The following CIROZ variants were observed in gnomAD, a reference collection of about 807,000 sequenced individuals.
CIROZ encodes the protein ciliated left-right organizer protein containing ZP-N domains.
chr1:10,965,662 C>T, the CIROZ span, among the ~76,000 whole-genome samples: 69 of 152,076 alleles, frequency 4.5e-4, no homozygotes, highest in African/African-American at 1.6e-3. Context: ...AAGCTCAAGA[C>T]CAGCCTGGCC....
At chr1:10,955,621 T>A in the CIROZ span, among the ~76,000 whole-genome samples, 1 of 152,016 alleles carries the variant, frequency 6.6e-6, no homozygotes, top group Non-Finnish European at 1.5e-5. Flanking sequence ...GGTGGGTGGA[T>A]TACCTCAGGT....
the CIROZ span, among the ~76,000 whole-genome samples, chr1:10,956,554 C>A: frequency 1.3e-5 from 2 of 151,680 alleles, no homozygotes; most frequent in African/African-American, 4.8e-5. Flanking sequence ...CGGCTCACTG[C>A]AAGCTCCGCC....
At chr1:10,973,961 C>CCCCG in the CIROZ span, among the ~76,000 whole-genome samples, 1 of 144,770 alleles carries the variant, frequency 6.9e-6, no homozygotes, top group African/African-American at 2.5e-5. Context: ...GAAGGACCCC[C>CCCCG]CCCACCAAGT....
chr1:10,976,941 T>C, the CIROZ span, among the ~76,000 whole-genome samples: 2 of 152,160 alleles, frequency 1.3e-5, no homozygotes, highest in South Asian at 4.1e-4. Flanking sequence ...GGGGATGGCT[T>C]GAGCCCAGGA....
the CIROZ span, among the ~76,000 whole-genome samples, chr1:10,967,218 C>T: frequency 6.6e-6 from 1 of 151,850 alleles, no homozygotes; most frequent in Non-Finnish European, 1.5e-5. Context: ...CCTCACGTGA[C>T]CTGCCCTCAC....
chr1:10,962,504 T>G, the CIROZ span, among the ~76,000 whole-genome samples: 1 of 152,182 alleles, frequency 6.6e-6, no homozygotes, highest in African/African-American at 2.4e-5. Context: ...CATACAATTA[T>G]AGATTTCCAG....
chr1:10,976,130 CA>C, the CIROZ span: 2 of 1,527,664 alleles, frequency 1.3e-6, no homozygotes, highest in Non-Finnish European at 1.8e-6. Context: ...AGCCTGATGC[CA>C]ACCATAAAAG....
At chr1:10,962,738 C>T in the CIROZ span, among the ~76,000 whole-genome samples, 1 of 152,188 alleles carries the variant, frequency 6.6e-6, no homozygotes, top group Non-Finnish European at 1.5e-5. Flanking sequence ...CAATATAGAA[C>T]CAACTACATA....
At chr1:10,954,997 T>G in the CIROZ span, 2 of 1,602,766 alleles carry the variant, frequency 1.2e-6, no homozygotes, top group East Asian at 4.5e-5. Flanking sequence ...CACCTGGACC[T>G]GGAGCACCCC....
At chr1:10,949,768 A>T in the CIROZ span, 1 of 1,580,014 alleles carries the variant, frequency 6.3e-7, no homozygotes, top group Non-Finnish European at 8.6e-7. Flanking sequence ...GTGGGGAGGG[A>T]GTGGTCCTCA....
At chr1:10,951,730 TAA>T in the CIROZ span, among the ~76,000 whole-genome samples, 89 of 125,322 alleles carry the variant, frequency 7.1e-4, no homozygotes, top group South Asian at 7.1e-3. Flanking sequence ...GTCTCTTATT[TAA>T]AAAAAAAAAA....
the CIROZ span, chr1:10,948,220 C>T: frequency 1.2e-6 from 2 of 1,613,826 alleles, no homozygotes; most frequent in Admixed American, 1.7e-5. Context: ...TCCATGTGCC[C>T]CCTGGCCCCC....
At chr1:10,954,739 C>G in the CIROZ span, among the ~76,000 whole-genome samples, 1 of 152,146 alleles carries the variant, frequency 6.6e-6, no homozygotes, top group Admixed American at 6.5e-5. Flanking sequence ...TCCCTAAGAT[C>G]AAGCAATTCT....
the CIROZ span, among the ~76,000 whole-genome samples, chr1:10,965,625 C>T: frequency 2.0e-3 from 306 of 151,976 alleles, 1 homozygote; most frequent in African/African-American, 6.9e-3. Context: ...CTCTGGGGGC[C>T]GAGGTGGGTG....
the CIROZ span, among the ~76,000 whole-genome samples, chr1:10,962,636 T>C: frequency 6.6e-6 from 1 of 152,102 alleles, no homozygotes; most frequent in Non-Finnish European, 1.5e-5. Flanking sequence ...GCCCCCACCA[T>C]GTGGTCTGGC....
the CIROZ span, chr1:10,949,157 G>A: frequency 7.6e-6 from 2 of 262,972 alleles, no homozygotes; most frequent in Non-Finnish European, 7.2e-6. Context: ...CTGGGAGGTG[G>A]AGGCTGCAGT....
the CIROZ span, chr1:10,955,012 G>A: frequency 5.9e-5 from 95 of 1,605,326 alleles, no homozygotes; most frequent in South Asian, 1.2e-4. Context: ...CACCCCGGCC[G>A]CCGGAATGCT....
the CIROZ span, among the ~76,000 whole-genome samples, chr1:10,979,909 C>T: frequency 1.3e-5 from 2 of 152,130 alleles, no homozygotes; most frequent in African/African-American, 2.4e-5. Flanking sequence ...TAGCCAGGTG[C>T]GGTGGCGCAT....
chr1:10,950,071 G>A, the CIROZ span, among the ~76,000 whole-genome samples: 18 of 120,810 alleles, frequency 1.5e-4, no homozygotes, highest in Non-Finnish European at 2.8e-4. Flanking sequence ...GTCTCACTCT[G>A]TGGCCAGGCT....
Sources: allele counts gnomAD v4.1 joint callset (sites outside exome capture counted in the v4.1 genomes callset), GRCh38; gene constraint gnomAD v4.1.1; transcripts MANE v1.5; gene names NCBI Gene and HGNC (gene_info 2026-07-23, HGNC 2026-07-21).